The following CREB5 variants were observed in gnomAD, a reference collection of about 807,000 sequenced individuals.
The protein encoded by CREB5 is cAMP responsive element binding protein 5.
In CREB5, 19 loss-of-function variants were observed where a neutral mutation model predicts 57.1. The ratio of observed to expected loss-of-function variants is 0.33; its 90% CI spans 0.23 to 0.49. CREB5 has a LOEUF of 0.49. CREB5 is among the 20% of genes least tolerant of loss of function. The pLI, the probability that CREB5 is intolerant of heterozygous loss-of-function variation, is 0.99. For missense variants in CREB5, 579 were observed against 671.6 expected (o/e 0.86, Z 1.52); for synonymous variants, 238 against 238.3 (o/e 1.00, Z 0.01).
chr7:28,739,191 A>G (rs1804200810), intron 7 of CREB5, among the ~76,000 whole-genome samples: 1 of 152,184 alleles, frequency 6.6e-6, no homozygotes. Context: ...CCTAGTGGCT[A>G]CCTGTGGCTA....
At chr7:28,655,659 T>C (rs1157852296) in intron 5 of CREB5, among the ~76,000 whole-genome samples, 1 of 152,184 alleles carries the variant, frequency 6.6e-6, no homozygotes, top group East Asian at 1.9e-4. Flanking sequence ...TAAAAGGGTT[T>C]CTGTTAAACT....
chr7:28,672,568 C>T (rs1437391120), intron 5 of CREB5, among the ~76,000 whole-genome samples: 1 of 152,162 alleles, frequency 6.6e-6, no homozygotes, highest in African/African-American at 2.4e-5. Context: ...CTGTCTTGAC[C>T]TGGTTAACGG....
intron 1 of CREB5, among the ~76,000 whole-genome samples, chr7:28,405,957 C>T (rs1447717753): frequency 2.0e-5 from 3 of 152,136 alleles, no homozygotes; most frequent in Non-Finnish European, 2.9e-5. Flanking sequence ...TCCCTGGGGA[C>T]GTCTGACTCA....
At chr7:28,316,435 A>G (rs986930888) in intron 1 of CREB5, among the ~76,000 whole-genome samples, 1 of 152,186 alleles carries the variant, frequency 6.6e-6, no homozygotes, top group Non-Finnish European at 1.5e-5. Flanking sequence ...TATAATTTAA[A>G]TTGGGAGCAA....
Position 28,643,287 on chromosome 7 carries a change from G to A in CREB5, c.464+72750G>A, listed in dbSNP as rs116676354. ...CCAAAAACACTTGCAAATTCCCATAGGGAATCTTCCAGCTAAGTTTAGGGC... is the reference window on the plus strand; with the variant it reads ...CCAAAAACACTTGCAAATTCCCATAAGGAATCTTCCAGCTAAGTTTAGGGC... On this transcript the variant is annotated intron_variant, in intron 5 of 10. Transcript: ENST00000357727. 2.4e-3 allele frequency among the ~76,000 whole-genome samples: 364 copies of A among 152,228 alleles called. 1 individual carries two copies. Among genetic ancestry groups the A allele is most frequent in the African/African-American group, 8.2e-3 (339 of 41,532 alleles).
intron 7 of CREB5, among the ~76,000 whole-genome samples, chr7:28,777,031 C>A (rs1157021736): frequency 3.9e-5 from 6 of 152,102 alleles, no homozygotes; most frequent in Non-Finnish European, 5.9e-5. Flanking sequence ...TTTATGTGAA[C>A]AAATATTTTC....
chr7:28,524,261 G>T (rs776882906), intron 4 of CREB5, among the ~76,000 whole-genome samples: 6 of 151,520 alleles, frequency 4.0e-5, no homozygotes, highest in Non-Finnish European at 8.8e-5. Context: ...CAGATCACTT[G>T]AGGTCAGAAG....
intron 1 of CREB5, among the ~76,000 whole-genome samples, chr7:28,361,951 T>G (rs1041576295): frequency 6.6e-6 from 1 of 152,254 alleles, no homozygotes; most frequent in Admixed American, 6.5e-5. Context: ...GAAGTAAAAG[T>G]TGAATCTTCT....
intron 1 of CREB5, among the ~76,000 whole-genome samples, chr7:28,381,329 T>A (rs773478784): frequency 6.6e-6 from 1 of 152,228 alleles, no homozygotes; most frequent in Non-Finnish European, 1.5e-5. Context: ...TGCTTTCGTA[T>A]TCACAGTCAC....
At chr7:28,507,944 C>T (rs551318430) in intron 4 of CREB5, among the ~76,000 whole-genome samples, 2 of 152,284 alleles carry the variant, frequency 1.3e-5, no homozygotes, top group East Asian at 3.9e-4. Context: ...GTCAAACTTA[C>T]AGATTTTTTC....
intron 5 of CREB5, among the ~76,000 whole-genome samples, chr7:28,714,350 ACT>A (rs1210936275): frequency 1.3e-5 from 2 of 151,806 alleles, no homozygotes; most frequent in Non-Finnish European, 1.5e-5. Context: ...TGCATTATTG[ACT>A]CTCTTTCCTT....
chr7:28,471,289 A>G (rs546552021), intron 1 of CREB5, among the ~76,000 whole-genome samples: 27 of 152,208 alleles, frequency 1.8e-4, no homozygotes, highest in African/African-American at 6.0e-4. Flanking sequence ...TCTTCTGTGT[A>G]TGGATTTCCA....
intron 1 of CREB5, among the ~76,000 whole-genome samples, chr7:28,465,319 C>T (rs1282542080): frequency 2.0e-5 from 3 of 152,114 alleles, no homozygotes; most frequent in Admixed American, 6.6e-5. Context: ...GCTGCCAGGC[C>T]GTGGAAAGGT....
intron 5 of CREB5, among the ~76,000 whole-genome samples, chr7:28,590,700 AT>A (rs1796476111): frequency 1.3e-5 from 2 of 150,180 alleles, no homozygotes; most frequent in South Asian, 2.1e-4. Flanking sequence ...AATAATAATA[AT>A]AATAATAAAA....
intron 4 of CREB5, among the ~76,000 whole-genome samples, chr7:28,511,811 G>T (rs939692884): frequency 6.6e-6 from 1 of 152,256 alleles, no homozygotes; most frequent in African/African-American, 2.4e-5. Context: ...AGAAAAGTGA[G>T]AGGATTTGAC....
At chr7:28,789,956 C>T (rs772261761) in intron 7 of CREB5, among the ~76,000 whole-genome samples, 2 of 152,140 alleles carry the variant, frequency 1.3e-5, no homozygotes, top group Non-Finnish European at 2.9e-5. Context: ...GTCCAATCTT[C>T]CACCCCAAGA....
At chr7:28,620,099 C>A (rs73684218) in intron 5 of CREB5, among the ~76,000 whole-genome samples, 1 of 151,982 alleles carries the variant, frequency 6.6e-6, no homozygotes, top group Admixed American at 6.6e-5. Flanking sequence ...ATTTTTAAAA[C>A]GGTACAATTT....
At chr7:28,468,611 A>G (rs1157595420) in intron 1 of CREB5, among the ~76,000 whole-genome samples, 1 of 152,216 alleles carries the variant, frequency 6.6e-6, no homozygotes, top group Non-Finnish European at 1.5e-5. Flanking sequence ...CCTGACTCCT[A>G]CAGGTCGGTT....
rs147973879 is a variant in CREB5, at chr7:28,486,454, T to C, written c.4-1721T>C. On this transcript the variant is annotated intron_variant, in intron 1 of 10. Coordinates refer to ENST00000357727, the MANE Select transcript of CREB5 (RefSeq NM_182898.4). ...GGTCCAAGGTGACTTGTGAATCCTA[T>C]TGGAATCACCTACAAGTGGCATTTT... Among the ~76,000 whole-genome samples the C allele has an allele frequency of 1.1e-3, 165 of 151,708 alleles. 1 individual carries two copies. The highest frequency in any genetic ancestry group is 6.8e-3 in the Middle Eastern group (2 of 292).
Sources: gnomAD v4.1 joint callset for allele counts (sites outside exome capture counted in the v4.1 genomes callset) on GRCh38, gnomAD v4.1.1 for gene constraint, MANE v1.5 for transcripts, NCBI Gene and HGNC (gene_info 2026-07-23, HGNC 2026-07-21) for gene names.